ZNF98: variants seen among roughly 807,000 people sequenced by gnomAD.
ZNF98 encodes the protein zinc finger protein 739.
ZNF98 carries 8 observed loss-of-function variants against 12.8 expected under a neutral mutation model. The ratio of observed to expected loss-of-function variants is 0.63; its 90% confidence interval spans 0.37 to 1.13. ZNF98 has a LOEUF of 1.13. Ranked by LOEUF, ZNF98 falls within the 50% of genes most tolerant of loss-of-function variation. The pLI, the probability that ZNF98 is intolerant of heterozygous loss-of-function variation, is 0.01. For missense variants in ZNF98, 379 were observed against 666.1 expected, an observed-to-expected ratio of 0.57 and a Z score of 4.74; for synonymous variants, 112 against 223.5, an observed-to-expected ratio of 0.50 and a Z score of 4.45.
At chr19:22,397,603 A>T (rs1969412023) in intron 3 of ZNF98, among the ~76,000 whole-genome samples, 1 of 150,286 alleles carries the variant, frequency 6.7e-6, no homozygotes, top group South Asian at 2.1e-4. Context: ...CGAGAAAAAA[A>T]ATCTGAAAAA....
chr19:22,403,013 A>G (rs1969476521), intron 2 of ZNF98, 129 bp from the exon 3 acceptor site: 2 of 690,512 alleles, frequency 2.9e-6, no homozygotes, highest in African/African-American at 3.8e-5. Context: ...CACAACAAAA[A>G]ATTTTAAATA....
intron 1 of ZNF98, among the ~76,000 whole-genome samples, chr19:22,415,983 A>ACACACACACC (rs1969637685): frequency 6.7e-6 from 1 of 149,156 alleles, no homozygotes; most frequent in Non-Finnish European, 1.5e-5. Flanking sequence ...ACACACACAC[A>ACACACACACC]CACACACACA....
chr19:22,403,321 C>G, intron 2 of ZNF98, 65 bp downstream of exon 2: 1 of 1,468,932 alleles, frequency 6.8e-7, no homozygotes, highest in African/African-American at 1.5e-5. Context: ...AAAAACCATT[C>G]TACAAAAAAG....
chr19:22,391,678 C>G lies in ZNF98; in HGVS notation c.1557G>C (p.Lys519Asn), dbSNP rs998084023. Residue 519 changes from lysine to asparagine, a missense_variant, in exon 4 of 4, where the codon AAG (lysine) becomes AAC (asparagine). This residue lies in a region of ZNF98 where 59 missense variants were observed against 50.3 expected (regional missense o/e 1.17). Transcript: ENST00000357774. ...TAAAGGCTTTGCCGCATTCTTCACA[C>G]TTGTAGGGTTTCTCTCCAGTATGAA... The part of the protein sequence containing the change: ...KMIHTGEKPY[K>N]CEECGKAFNN... 3.7e-6 allele frequency: 6 copies of G among 1,613,786 alleles called. No homozygotes were observed. The highest frequency in any genetic ancestry group is 5.1e-6 in the Non-Finnish European group (6 of 1,179,872).
At chr19:22,420,236 T>C (rs1384955840) in intron 1 of ZNF98, among the ~76,000 whole-genome samples, 1 of 152,132 alleles carries the variant, frequency 6.6e-6, no homozygotes, top group Non-Finnish European at 1.5e-5. Flanking sequence ...ACTTGAGAGA[T>C]TCTCCCACTC....
At chr19:22,410,596 G>A (rs932572874) in intron 1 of ZNF98, among the ~76,000 whole-genome samples, 3 of 152,204 alleles carry the variant, frequency 2.0e-5, no homozygotes, top group Non-Finnish European at 4.4e-5. Context: ...ACCAGGGCCT[G>A]TTGTGAAGTG....
At chr19:22,399,641 G>C (rs1568291861) in intron 3 of ZNF98, among the ~76,000 whole-genome samples, 1 of 151,974 alleles carries the variant, frequency 6.6e-6, no homozygotes, top group East Asian at 1.9e-4. Context: ...ATTCACCTCA[G>C]ACATAACATG....
chr19:22,401,528 C>T (rs1969457122), intron 3 of ZNF98, among the ~76,000 whole-genome samples: 1 of 149,692 alleles, frequency 6.7e-6, no homozygotes, highest in Non-Finnish European at 1.5e-5. Context: ...TTGTTGCCCA[C>T]ATTGGAGTGT....
At chr19:22,404,016 C>G (rs34027982) in intron 1 of ZNF98, among the ~76,000 whole-genome samples, 28 of 149,414 alleles carry the variant, frequency 1.9e-4, no homozygotes, top group East Asian at 6.1e-4. Context: ...GTCAGGAGAC[C>G]GAGACTATCC....
intron 1 of ZNF98, among the ~76,000 whole-genome samples, chr19:22,404,044 C>G (rs928784902): frequency 6.6e-6 from 1 of 152,106 alleles, no homozygotes; most frequent in Admixed American, 6.5e-5. Context: ...CACAGTGAAA[C>G]CCTGGCTCTA....
rs764913579 is a variant in ZNF98 at position 22,403,509 on chromosome 19, C to A, written c.34G>T (p.Val12Leu). The A allele has an allele frequency of 3.8e-6, 6 of 1,593,846 alleles. No individual in the cohort carries two copies. Among genetic ancestry groups the A allele is most frequent in the Non-Finnish European group, 5.1e-6 (6 of 1,174,654 alleles). The change falls in exon 2 of 4, where the codon GTG becomes TTG. Residue 12 changes from valine to leucine, a missense_variant. Physicochemically the swap from Val to Leu is conservative, Grantham distance 32. Transcript: ENST00000357774. ...PGPLGSLEMG[V>L]LTFRDVALEF... ...AAGGCCACATCCCTAAATGTCAACA[C>A]TCCCTGAAAAACATACAAACACACA...
chr19:22,414,232 CA>C (rs57966582), intron 1 of ZNF98, among the ~76,000 whole-genome samples: 1,541 of 88,966 alleles, frequency 0.017, 9 homozygotes, highest in African/African-American at 0.089. Flanking sequence ...GACTCCATCT[CA>C]AAAAAAAAAA....
intron 1 of ZNF98, among the ~76,000 whole-genome samples, chr19:22,408,020 G>A (rs1194105900): frequency 3.9e-5 from 6 of 152,046 alleles, no homozygotes; most frequent in African/African-American, 9.7e-5. Flanking sequence ...GCAGTGAGCC[G>A]AGATCACGCC....
intron 1 of ZNF98, among the ~76,000 whole-genome samples, chr19:22,416,090 G>A (rs548065584): frequency 1.3e-5 from 2 of 150,806 alleles, no homozygotes; most frequent in African/African-American, 4.9e-5. Context: ...GTTGCAGTGA[G>A]CCAAAACCGT....
intron 1 of ZNF98, among the ~76,000 whole-genome samples, chr19:22,414,255 A>G (rs1969615158): frequency 6.7e-6 from 1 of 150,166 alleles, no homozygotes; most frequent in Admixed American, 6.7e-5. Flanking sequence ...AAAAAAAAAA[A>G]AGAAAGCAAG....
chr19:22,412,490 T>C (rs1969590790), intron 1 of ZNF98, among the ~76,000 whole-genome samples: 1 of 152,096 alleles, frequency 6.6e-6, no homozygotes, highest in Admixed American at 6.6e-5. Context: ...TTTAACAACC[T>C]GACATCATAA....
intron 1 of ZNF98, among the ~76,000 whole-genome samples, chr19:22,418,782 T>C (rs1969673013): frequency 6.6e-6 from 1 of 152,184 alleles, no homozygotes; most frequent in South Asian, 2.1e-4. Flanking sequence ...CTTGGGAGGC[T>C]GAGGCAGGAG....
chr19:22,391,346 T>G lies in ZNF98; in HGVS notation c.*170A>C. On this transcript the variant is annotated 3_prime_UTR_variant, in exon 4 of 4. Coordinates refer to ENST00000357774, the MANE Select transcript of ZNF98 (RefSeq NM_001098626.2). ...ATCACTTTTTTACTTTCTTTATATT[T>G]GTACATTTGTTCTCATCAAGTATAA... 3.0e-6 allele frequency: 4 copies of G among 1,343,180 alleles called. No individual in the cohort carries two copies. The highest frequency in any genetic ancestry group is 4.0e-6 in the Non-Finnish European group (4 of 1,006,302). 83.2% of individuals were successfully genotyped at this position (1,343,180 alleles called of 1,614,324 possible).
In ZNF98 at chr19:22,391,324, A is replaced by C; in HGVS notation, c.*192T>G. On this transcript the variant is annotated 3_prime_UTR_variant, in exon 4 of 4. Coordinates refer to ENST00000357774, the MANE Select transcript of ZNF98 (RefSeq NM_001098626.2). ...AATAAGATGTGTGCAGATATTAATC[A>C]CTTTTTTACTTTCTTTATATTTGTA... 3 of 1,191,658 alleles carry C rather than the reference A, an allele frequency of 2.5e-6. No homozygotes were observed. Among genetic ancestry groups the C allele is most frequent in the Non-Finnish European group, 3.4e-6 (3 of 872,050 alleles). 73.8% of individuals were successfully genotyped at this position (1,191,658 alleles called of 1,614,324 possible). A position where few individuals can be genotyped will look rare whatever the true frequency, so the allele number is the denominator to read the frequency against.
Sources: gnomAD v4.1 joint callset for allele counts (sites outside exome capture counted in the v4.1 genomes callset) on GRCh38, gnomAD v4.1.1 for gene constraint, gnomAD v4.1.1 regional missense constraint, MANE v1.5 for transcripts, NCBI Gene and HGNC (gene_info 2026-07-23, HGNC 2026-07-21) for gene names.